Variants in PTPRD observed in about 807,000 individuals in gnomAD.
PTPRD encodes receptor-type tyrosine-protein phosphatase delta.
PTPRD carries 34 observed loss-of-function variants against 214.5 expected under a neutral mutation model. That is an observed-to-expected ratio of 0.16 (90% CI 0.12 to 0.21). PTPRD has a LOEUF of 0.21. Among genes scored for constraint, PTPRD ranks in the 10% least tolerant of loss-of-function variants. The pLI, the probability that PTPRD is intolerant of heterozygous loss-of-function variation, is 1.00. For synonymous variants in PTPRD, 1,128 were observed against 845.7 expected (o/e 1.33, Z -5.79); for missense variants, 2,545 against 2,398.7 (o/e 1.06, Z -1.27).
chr9:9,594,974 C>T (rs920978008), intron 7 of PTPRD, among the ~76,000 whole-genome samples: 3 of 151,958 alleles, frequency 2.0e-5, no homozygotes, highest in Non-Finnish European at 4.4e-5. Context: ...GGTCAACAAA[C>T]ATATGGAAAA....
At chr9:9,161,482 G>A (rs10115122) in intron 10 of PTPRD, among the ~76,000 whole-genome samples, 9,386 of 152,072 alleles carry the variant, frequency 0.062, 518 homozygotes, top group East Asian at 0.2. Context: ...TCTCATTTGG[G>A]CTCCAAGCCA....
At chr9:8,338,270 A>C (rs571468671) in intron 43 of PTPRD, among the ~76,000 whole-genome samples, 20 of 152,260 alleles carry the variant, frequency 1.3e-4, no homozygotes, top group African/African-American at 4.8e-4. Context: ...CGAAGATATC[A>C]GAGTTTATGC....
intron 14 of PTPRD, among the ~76,000 whole-genome samples, chr9:8,614,271 T>C (rs963091024): frequency 6.6e-6 from 1 of 152,152 alleles, no homozygotes; most frequent in Non-Finnish European, 1.5e-5. Flanking sequence ...AGCCATTTCA[T>C]ACAGTGGCAA....
At chr9:10,492,532 T>A (rs999326999) in intron 2 of PTPRD, among the ~76,000 whole-genome samples, 1 of 152,178 alleles carries the variant, frequency 6.6e-6, no homozygotes, top group Non-Finnish European at 1.5e-5. Flanking sequence ...TGTCTGTTCA[T>A]ATCCTTTGCC....
intron 8 of PTPRD, among the ~76,000 whole-genome samples, chr9:9,531,261 A>T (rs2154264127): frequency 6.6e-6 from 1 of 152,292 alleles, no homozygotes; most frequent in Middle Eastern, 3.4e-3. Context: ...TTACGGGTTC[A>T]TATGACAACA....
intron 12 of PTPRD, among the ~76,000 whole-genome samples, chr9:8,723,184 G>A (rs1454445026): frequency 6.6e-6 from 1 of 151,916 alleles, no homozygotes; most frequent in African/African-American, 2.4e-5. Flanking sequence ...AACACACTAG[G>A]CTCCCTCCTT....
At chr9:10,278,809 C>CT (rs1334523070) in intron 3 of PTPRD, among the ~76,000 whole-genome samples, 1 of 149,864 alleles carries the variant, frequency 6.7e-6, no homozygotes, top group Non-Finnish European at 1.5e-5. Context: ...GAGTCTCGCT[C>CT]TGTTGCCCAG....
chr9:9,964,691 G>C (rs1485129110), intron 4 of PTPRD, among the ~76,000 whole-genome samples: 1 of 151,986 alleles, frequency 6.6e-6, no homozygotes, highest in Non-Finnish European at 1.5e-5. Context: ...TGGTTAGCAG[G>C]CTAAATGATA....
intron 11 of PTPRD, among the ~76,000 whole-genome samples, chr9:9,000,917 G>C (rs2099415557): frequency 1.3e-5 from 2 of 151,952 alleles, no homozygotes; most frequent in Admixed American, 6.6e-5. Context: ...GTAGCAGGGA[G>C]ATGTCAGTAT....
chr9:8,740,704 A>G (rs2091699310), intron 11 of PTPRD, among the ~76,000 whole-genome samples: 1 of 152,118 alleles, frequency 6.6e-6, no homozygotes. Context: ...AAAACTCCAA[A>G]TTTTTCTGTT....
At chr9:9,527,692 T>C (rs1325250558) in intron 8 of PTPRD, among the ~76,000 whole-genome samples, 1 of 152,216 alleles carries the variant, frequency 6.6e-6, no homozygotes, top group Non-Finnish European at 1.5e-5. Context: ...ATTTCTTTTT[T>C]ATATGTTCTC....
At chr9:10,181,818 T>A (rs1271108723) in intron 3 of PTPRD, among the ~76,000 whole-genome samples, 3 of 150,150 alleles carry the variant, frequency 2.0e-5, no homozygotes, top group Admixed American at 2.0e-4. Flanking sequence ...TAACTTCAAA[T>A]GGATAAAATA....
intron 35 of PTPRD, among the ~76,000 whole-genome samples, chr9:8,410,003 A>G (rs1326436068): frequency 6.6e-6 from 1 of 152,160 alleles, no homozygotes; most frequent in African/African-American, 2.4e-5. Flanking sequence ...GTTGGCTCTG[A>G]GATATTCTCA....
chr9:8,725,102 G>A (rs542063783), intron 12 of PTPRD, among the ~76,000 whole-genome samples: 2 of 152,248 alleles, frequency 1.3e-5, no homozygotes, highest in South Asian at 4.2e-4. Context: ...CTGAATGAAA[G>A]CTACATGGAA....
chr9:9,024,763 T>A (rs2099581627), intron 10 of PTPRD, among the ~76,000 whole-genome samples: 1 of 151,946 alleles, frequency 6.6e-6, no homozygotes, highest in African/African-American at 2.4e-5. Flanking sequence ...TTAGAGCACA[T>A]GTCTTCTATA....
chr9:9,921,598 G>C (rs1490353643), intron 5 of PTPRD, among the ~76,000 whole-genome samples: 1 of 149,774 alleles, frequency 6.7e-6, no homozygotes, highest in East Asian at 1.9e-4. Flanking sequence ...TACTGCTCAG[G>C]GGAAAAAAAT....
intron 7 of PTPRD, among the ~76,000 whole-genome samples, chr9:9,668,006 T>G (rs2096755767): frequency 6.6e-6 from 1 of 152,072 alleles, no homozygotes; most frequent in South Asian, 2.1e-4. Context: ...CTTGTGAAAA[T>G]GGACAGATTA....
intron 3 of PTPRD, among the ~76,000 whole-genome samples, chr9:10,060,950 T>C (rs868098066): frequency 8.3e-5 from 11 of 132,682 alleles, no homozygotes; most frequent in South Asian, 4.7e-4. Context: ...CTTTCTTTCT[T>C]TCTCTCTCTT....
intron 34 of PTPRD, among the ~76,000 whole-genome samples, chr9:8,442,620 T>C (rs936935502): frequency 1.3e-5 from 2 of 152,204 alleles, no homozygotes; most frequent in African/African-American, 4.8e-5. Flanking sequence ...AGTAGACTTC[T>C]ATGAGTTAAC....
Sources: gnomAD v4.1 joint callset for allele counts (sites outside exome capture counted in the v4.1 genomes callset) on GRCh38, gnomAD v4.1.1 for gene constraint, MANE v1.5 for transcripts, NCBI Gene and HGNC (gene_info 2026-07-23, HGNC 2026-07-21) for gene names.